SLC25A31: variants seen among roughly 807,000 people sequenced by gnomAD.
The protein encoded by SLC25A31 is solute carrier family 25 member 31.
Under a neutral mutation model 36.2 loss-of-function variants are expected in SLC25A31, and 40 were observed. The observed-to-expected ratio is 1.10, with a 90% CI of 0.86 to 1.44. The LOEUF (loss-of-function observed/expected upper bound fraction) is 1.44. Ranked by LOEUF, SLC25A31 falls within the 40% of genes most tolerant of loss-of-function variation. The probability of loss-of-function intolerance (pLI) is 0.00; values close to 1 mark genes in which losing one functional copy is unlikely to be tolerated. For missense variants in SLC25A31, 350 were observed against 397.1 expected, an observed-to-expected ratio of 0.88 and a Z score of 1.01; for synonymous variants, 143 against 149.7, an observed-to-expected ratio of 0.96 and a Z score of 0.32.
At chr4:127,747,626 C>T (rs1731848587) in intron 2 of SLC25A31, among the ~76,000 whole-genome samples, 1 of 152,106 alleles carries the variant, frequency 6.6e-6, no homozygotes, top group South Asian at 2.1e-4. Flanking sequence ...TAATACCTAT[C>T]TCGTAGTTTT....
At chr4:127,747,911 A>G (rs758300057) in intron 2 of SLC25A31, among the ~76,000 whole-genome samples, 5 of 152,232 alleles carry the variant, frequency 3.3e-5, no homozygotes, top group Admixed American at 6.5e-5. Flanking sequence ...AAAGGCACAC[A>G]GGGAAGAGAC....
intron 2 of SLC25A31, among the ~76,000 whole-genome samples, chr4:127,756,493 G>T (rs1732033463): frequency 6.6e-6 from 1 of 152,144 alleles, no homozygotes; most frequent in Non-Finnish European, 1.5e-5. Context: ...ATTTAGACAG[G>T]AGGAATAAGT....
intron 1 of SLC25A31, among the ~76,000 whole-genome samples, chr4:127,740,083 G>A (rs185660972): frequency 6.6e-6 from 1 of 152,070 alleles, no homozygotes; most frequent in East Asian, 1.9e-4. Flanking sequence ...TTTTGGCTAG[G>A]AACCATTGCT....
At chr4:127,738,613 T>C (rs1450773912) in intron 1 of SLC25A31, among the ~76,000 whole-genome samples, 1 of 152,210 alleles carries the variant, frequency 6.6e-6, no homozygotes, top group African/African-American at 2.4e-5. Context: ...TCTATAGATG[T>C]CTATTAGGTT....
At chr4:127,767,002 T>G (rs865793445) in intron 3 of SLC25A31, 64 bp from the exon 4 acceptor site, 3 of 1,370,458 alleles carry the variant, frequency 2.2e-6, no homozygotes, top group Non-Finnish European at 2.9e-6. Context: ...TAAAGGTTTA[T>G]TTTGATTAAA....
chr4:127,736,430 A>G (rs1451576508), intron 1 of SLC25A31, among the ~76,000 whole-genome samples: 1 of 152,244 alleles, frequency 6.6e-6, no homozygotes, highest in Non-Finnish European at 1.5e-5. Flanking sequence ...ATATATTAAG[A>G]AACCATCCAT....
chr4:127,766,953 T>C lies in SLC25A31; in HGVS notation c.479-113T>C, dbSNP rs541534597. 6.8e-5 allele frequency: 61 copies of C among 895,498 alleles called. 2 individuals are homozygous for C. In the Admixed American group the frequency reaches 2.0e-3, roughly 29 times the overall value. The allele number at this position is 895,498 out of a possible 1,614,324, so 55.5% of individuals were successfully genotyped here. A position where few individuals can be genotyped will look rare whatever the true frequency, so the allele number is the denominator to read the frequency against. On this transcript the variant is annotated intron_variant, in intron 3 of 5. Transcript: ENST00000281154. ...AGGATTTTGATTTGTGCCTTCTTTG[T>C]TAGATTTGTAAGTGGGAATTTCAGA...
At chr4:127,737,728 G>T (rs565365344) in intron 1 of SLC25A31, among the ~76,000 whole-genome samples, 28 of 151,962 alleles carry the variant, frequency 1.8e-4, no homozygotes, top group Admixed American at 1.5e-3. Context: ...GTTTGTTTGG[G>T]GTTTGTTTTT....
intron 2 of SLC25A31, among the ~76,000 whole-genome samples, chr4:127,756,436 G>C (rs781670113): frequency 6.6e-6 from 1 of 152,104 alleles, no homozygotes; most frequent in African/African-American, 2.4e-5. Context: ...GATGGAGCGT[G>C]GGGGGATGAG....
chr4:127,767,942 G>A (rs563861619), intron 4 of SLC25A31, among the ~76,000 whole-genome samples: 2 of 151,788 alleles, frequency 1.3e-5, no homozygotes, highest in South Asian at 4.2e-4. Flanking sequence ...AAAGATAATT[G>A]TAGTTGTTTA....
chr4:127,750,902 A>G (rs889082586), intron 2 of SLC25A31, among the ~76,000 whole-genome samples: 1 of 152,218 alleles, frequency 6.6e-6, no homozygotes, highest in Admixed American at 6.5e-5. Context: ...GTCCATATTT[A>G]TCAATAACTT....
At chr4:127,771,064 C>A (rs940265679) in intron 5 of SLC25A31, among the ~76,000 whole-genome samples, 2 of 145,728 alleles carry the variant, frequency 1.4e-5, no homozygotes, top group African/African-American at 5.2e-5. Context: ...TCTAGCAATT[C>A]TCCTGCCTCA....
Position 127,774,199 on chromosome 4 carries a change from A to G in SLC25A31, c.*625A>G, listed in dbSNP as rs1230552220. The G allele has an allele frequency of 1.3e-5, 2 of 152,232 alleles. No individual in the cohort carries two copies. The highest frequency in any genetic ancestry group is 4.8e-5 in the African/African-American group (2 of 41,460). The allele number at this position is 152,232 out of a possible 1,614,324, so 9.4% of individuals were successfully genotyped here. ...TGATGTTTATCTTTAAAATAAATAAAATCTTGCTAGTGTGAATATATCTTA... is the reference window on the plus strand; with the variant it reads ...TGATGTTTATCTTTAAAATAAATAAGATCTTGCTAGTGTGAATATATCTTA... On this transcript the variant is annotated 3_prime_UTR_variant, in exon 6 of 6. Transcript: ENST00000281154.
chr4:127,747,451 A>G (rs1731845942), intron 2 of SLC25A31, among the ~76,000 whole-genome samples: 1 of 152,142 alleles, frequency 6.6e-6, no homozygotes, highest in Admixed American at 6.5e-5. Flanking sequence ...GATGAGAATT[A>G]CAAAACACTG....
chr4:127,737,407 A>C (rs1227120524), intron 1 of SLC25A31, among the ~76,000 whole-genome samples: 1 of 152,312 alleles, frequency 6.6e-6, no homozygotes, highest in Non-Finnish European at 1.5e-5. Context: ...AAAGGAACAC[A>C]TTCTTCAGCC....
chr4:127,773,485 A>G lies in SLC25A31; in HGVS notation c.859A>G (p.Asn287Asp), dbSNP rs1330575902. 30 of 1,613,978 alleles carry G rather than the reference A, an allele frequency of 1.9e-5. No homozygotes were observed. Among genetic ancestry groups the G allele is most frequent in the Non-Finnish European group, 2.5e-5 (29 of 1,179,998 alleles). Reference sequence around the variant, plus strand: ...TTCCTTTTTTCGTGGCGCCTTCTCCAATGTTCTTCGCGGTACAGGGGGTGC... The same window carrying G: ...TTCCTTTTTTCGTGGCGCCTTCTCCGATGTTCTTCGCGGTACAGGGGGTGC... The part of the protein sequence containing the change: ...ISSFFRGAFS[N>D]VLRGTGGALV... Residue 287 changes from asparagine (N) to aspartate (D), a missense_variant, in exon 6 of 6, where the codon AAT becomes GAT. Physicochemically the swap from Asn to Asp is conservative, Grantham distance 23. Transcript: ENST00000281154.
chr4:127,754,189 CATT>C (rs1731988002), intron 2 of SLC25A31, among the ~76,000 whole-genome samples: 1 of 152,072 alleles, frequency 6.6e-6, no homozygotes, highest in African/African-American at 2.4e-5. Flanking sequence ...CCACAGCTAA[CATT>C]ATATACAACA....
intron 3 of SLC25A31, among the ~76,000 whole-genome samples, chr4:127,764,676 T>C (rs892074090): frequency 6.6e-6 from 1 of 152,176 alleles, no homozygotes; most frequent in African/African-American, 2.4e-5. Context: ...GTGGCTCCCT[T>C]CTAGGTTAGA....
At chr4:127,747,514 G>T (rs928522213) in intron 2 of SLC25A31, among the ~76,000 whole-genome samples, 8 of 152,134 alleles carry the variant, frequency 5.3e-5, no homozygotes, top group Non-Finnish European at 8.8e-5. Context: ...TCCCTGATTA[G>T]CTGTATTCCT....
Sources: gnomAD v4.1 joint callset for allele counts (sites outside exome capture counted in the v4.1 genomes callset) on GRCh38, gnomAD v4.1.1 for gene constraint, MANE v1.5 for transcripts, NCBI Gene and HGNC (gene_info 2026-07-23, HGNC 2026-07-21) for gene names.